SET: variants seen among roughly 807,000 people sequenced by gnomAD.
The protein encoded by SET is protein SET.
Under a neutral mutation model 39.0 loss-of-function variants are expected in SET, and 4 were observed. The observed-to-expected ratio is 0.10, with a 90% CI of 0.05 to 0.23. SET has a LOEUF of 0.23. SET is among the 10% of genes least tolerant of loss of function. The pLI is 1.00. For missense variants in SET, 137 were observed against 329.7 expected, an observed-to-expected ratio of 0.42 and a Z score of 4.53; for synonymous variants, 114 against 115.9, an observed-to-expected ratio of 0.98 and a Z score of 0.11.
At chr9:128,694,500 CG>C (rs1465254718) in intron 7 of SET, 140 bp from the exon 8 acceptor site, 5 of 550,858 alleles carry the variant, frequency 9.1e-6, no homozygotes, top group Non-Finnish European at 1.6e-5. Flanking sequence ...AACATCATCA[CG>C]GGTGTTTCCT....
Position 128,695,129 on chromosome 9 carries a change from ACTTTCT to A in SET, c.*469_*474del, listed in dbSNP as rs1158454444. The A allele has an allele frequency of 1.3e-5, 3 of 224,970 alleles. No individual in the cohort carries two copies. The highest frequency in any genetic ancestry group is 4.4e-5 in the African/African-American group (2 of 45,018). The allele number at this position is 224,970 out of a possible 1,614,324, so 13.9% of individuals were successfully genotyped here. A position where few individuals can be genotyped will look rare whatever the true frequency, so the allele number is the denominator to read the frequency against. On this transcript the variant is annotated 3_prime_UTR_variant, in exon 8 of 8. Transcript: ENST00000322030. The stretch of plus-strand genomic sequence containing the variant: ...AGCATTTACCAACATGTATCTGTCT[ACTTTCT>A]CTTGTTTAAAAAAAGAAAAAAAAAC...
chr9:128,689,921 T>TC (rs1242398743), intron 1 of SET: 1 of 102,064 alleles, frequency 9.8e-6, no homozygotes, highest in African/African-American at 3.7e-5. Flanking sequence ...CCCCTTCCTC[T>TC]CCCCCCTCCC....
Position 128,693,959 on chromosome 9 carries a change from G to C in SET, c.727G>C (p.Glu243Gln). ...EEDDDDDEEE[E>Q]GLEDIDEEGD... ...AGATGATGATGATGATGAAGAGGAGGAAGGATTAGAAGATATTGACGAAGA... is the reference window on the plus strand; with the variant it reads ...AGATGATGATGATGATGAAGAGGAGCAAGGATTAGAAGATATTGACGAAGA... Residue 243 changes from glutamate (E) to glutamine (Q), a missense_variant, in exon 7 of 8, where the codon GAA becomes CAA. Around this residue, in one of 3 missense-constraint regions of SET, gnomAD observed 44 missense variants for 63.0 expected, o/e 0.70. Coordinates refer to ENST00000322030, the MANE Select transcript of SET (RefSeq NM_003011.4). 1 of 1,546,282 alleles carries C rather than the reference G, an allele frequency of 6.5e-7. No individual in the cohort carries two copies. Among genetic ancestry groups the C allele is most frequent in the Non-Finnish European group, 8.9e-7 (1 of 1,119,418 alleles).
chr9:128,694,243 T>TGGGC (rs1564362340), intron 7 of SET, among the ~76,000 whole-genome samples: 1 of 151,608 alleles, frequency 6.6e-6, no homozygotes, highest in Non-Finnish European at 1.5e-5. Context: ...TTTTTGGTTT[T>TGGGC]TTTTTGGGTT....
chr9:128,692,793 G>T, intron 4 of SET, 28 bp downstream of exon 4: 3 of 1,546,490 alleles, frequency 1.9e-6, no homozygotes, highest in Middle Eastern at 1.7e-4. Flanking sequence ...AATCTTGTTT[G>T]CCACTGTGGA....
chr9:128,689,662 G>C lies in SET; in HGVS notation c.73+7G>C. The C allele has an allele frequency of 9.0e-7, 1 of 1,115,504 alleles. No individual in the cohort carries two copies. Among genetic ancestry groups the C allele is most frequent in the African/African-American group, 1.6e-5 (1 of 60,800 alleles). 69.1% of individuals were successfully genotyped at this position (1,115,504 alleles called of 1,614,324 possible). A position where few individuals can be genotyped will look rare whatever the true frequency, so the allele number is the denominator to read the frequency against. ...GGGGCCGACGAGACCTCAGGTGAGA[G>C]CAGCGAGCCCGGGGGCCGGCCCGCG... On this transcript the variant is annotated splice_region_variant and intron_variant, in intron 1 of 7. Transcript: ENST00000322030.
chr9:128,689,396 G>T lies in SET; in HGVS notation c.-187G>T. The stretch of plus-strand genomic sequence containing the variant: ...GGCACGCCGCCCCAGCCCGTCCCTC[G>T]GCGTCAGGCCGCGAGGGTAGCGCGC... On this transcript the variant is annotated 5_prime_UTR_variant, in exon 1 of 8. Transcript: ENST00000322030. 1.1e-6 allele frequency: 1 copy of T among 928,822 alleles called. No homozygotes were observed. Among genetic ancestry groups the T allele is most frequent in the South Asian group, 5.0e-5 (1 of 19,836 alleles). 57.5% of individuals were successfully genotyped at this position (928,822 alleles called of 1,614,324 possible).
chr9:128,691,247 A>C lies in SET; in HGVS notation c.131+20A>C. ...AGACAGGTAACATTTTTCTTAATAT[A>C]CTTCGGAGAAATTTTCTGAGATGTG... On this transcript the variant is annotated intron_variant, in intron 2 of 7. Transcript: ENST00000322030. 1 of 1,516,136 alleles carries C rather than the reference A, an allele frequency of 6.6e-7. No homozygotes were observed. The highest frequency in any genetic ancestry group is 9.1e-7 in the Non-Finnish European group (1 of 1,101,918). 93.9% of individuals were successfully genotyped at this position (1,516,136 alleles called of 1,614,324 possible). A position where few individuals can be genotyped will look rare whatever the true frequency, so the allele number is the denominator to read the frequency against.
At position 128,689,243 on chromosome 9, in the gene SET, G is replaced by A; in HGVS notation, c.-340G>A. 6.0e-6 allele frequency: 6 copies of A among 1,001,004 alleles called. No individual in the cohort carries two copies. The highest frequency in any genetic ancestry group is 7.1e-6 in the Non-Finnish European group (6 of 839,536). The allele number at this position is 1,001,004 out of a possible 1,614,324, so 62.0% of individuals were successfully genotyped here. ...CCGCCCCTCGCCGTAGGAGGAGGTG[G>A]AGGAGGAGGCGGCTCGGGAGAGCGA... is the stretch of plus-strand genomic sequence containing the variant. On this transcript the variant is annotated 5_prime_UTR_variant, in exon 1 of 8. Coordinates refer to ENST00000322030, the MANE Select transcript of SET (RefSeq NM_003011.4).
In SET at chr9:128,694,730, C is replaced by T; in HGVS notation, c.*66C>T. ...TTCTCCAGTCCCTGGGAGCAAGTTG[C>T]AGTCTTTTTTTTTTTTTTTTTTTTT... is the stretch of plus-strand genomic sequence containing the variant. On this transcript the variant is annotated 3_prime_UTR_variant, in exon 8 of 8. Transcript: ENST00000322030. 1.6e-6 allele frequency: 1 copy of T among 627,870 alleles called. No individual in the cohort carries two copies. The highest frequency in any genetic ancestry group is 2.1e-5 in the African/African-American group (1 of 47,894). The allele number at this position is 627,870 out of a possible 1,614,324, so 38.9% of individuals were successfully genotyped here. A position where few individuals can be genotyped will look rare whatever the true frequency, so the allele number is the denominator to read the frequency against.
upstream of SET, among the ~76,000 whole-genome samples, chr9:128,687,182 A>G (rs1195829705): frequency 6.6e-6 from 1 of 151,924 alleles, no homozygotes; most frequent in Non-Finnish European, 1.5e-5. Flanking sequence ...ACATGGTGAA[A>G]CCCCGTCTCT....
Position 128,696,036 on chromosome 9 carries a change from A to G in SET, c.*1372A>G, listed in dbSNP as rs895015940. On this transcript the variant is annotated 3_prime_UTR_variant, in exon 8 of 8. Coordinates refer to ENST00000322030, the MANE Select transcript of SET (RefSeq NM_003011.4). Reference sequence around the variant, plus strand: ...GCAGTAACTGTCCCTGCTTTCTGGTATAAAGCTCTCAAATGTGACCATGTG... The same window carrying G: ...GCAGTAACTGTCCCTGCTTTCTGGTGTAAAGCTCTCAAATGTGACCATGTG... 3 of 224,580 alleles carry G rather than the reference A, an allele frequency of 1.3e-5. No homozygotes were observed. The highest frequency in any genetic ancestry group is 2.2e-5 in the African/African-American group (1 of 45,038). The allele number at this position is 224,580 out of a possible 1,614,324, so 13.9% of individuals were successfully genotyped here. A position where few individuals can be genotyped will look rare whatever the true frequency, so the allele number is the denominator to read the frequency against.
upstream of SET, among the ~76,000 whole-genome samples, chr9:128,688,865 C>T (rs1299259647): frequency 6.6e-6 from 1 of 152,110 alleles, no homozygotes; most frequent in Non-Finnish European, 1.5e-5. Flanking sequence ...CCTGCACTTT[C>T]GGGGTGGTGG....
Position 128,689,608 on chromosome 9 carries a change from G to T in SET, c.26G>T (p.Ser9Ile). The T allele has an allele frequency of 7.3e-7, 1 of 1,376,116 alleles. No homozygotes were observed. 85.2% of individuals were successfully genotyped at this position (1,376,116 alleles called of 1,614,324 possible). Residue 9 changes from serine to isoleucine, a missense_variant, in exon 1 of 8, where the codon AGT (serine) becomes ATT (isoleucine). By Grantham distance (142) the Ser-to-Ile change is moderately radical. Coordinates refer to ENST00000322030, the MANE Select transcript of SET (RefSeq NM_003011.4). Reference protein sequence around the residue: MSAPAAKVSKKELNSNHDG... With the variant: MSAPAAKVIKKELNSNHDG... ...ATGTCGGCGCCGGCGGCCAAAGTCA[G>T]TAAAAAGGAGCTCAACTCCAACCAC...
upstream of SET, chr9:128,685,003 C>G: frequency 1.4e-6 from 2 of 1,447,628 alleles, no homozygotes; most frequent in South Asian, 2.9e-5. Flanking sequence ...GTGGAGCCTT[C>G]CTGGGCTGGG....
chr9:128,684,067 G>A (rs1218086805), intron 1 of SET: 2 of 1,340,590 alleles, frequency 1.5e-6, no homozygotes, highest in Admixed American at 2.0e-5. Flanking sequence ...TTGACTCTCT[G>A]ATTTTTACCC....
rs1291166468 is a variant in SET at position 128,696,336 on chromosome 9, C to T, written c.*1672C>T. 1 of 186,396 alleles carries T rather than the reference C, an allele frequency of 5.4e-6. No individual in the cohort carries two copies. The highest frequency in any genetic ancestry group is 1.1e-5 in the Non-Finnish European group (1 of 87,522). The allele number at this position is 186,396 out of a possible 1,614,324, so 11.5% of individuals were successfully genotyped here. A position where few individuals can be genotyped will look rare whatever the true frequency, so the allele number is the denominator to read the frequency against. On this transcript the variant is annotated 3_prime_UTR_variant, in exon 8 of 8. Transcript: ENST00000322030. ...TGCACAGGTCTCTGTTTAGTAAATA[C>T]ATCACTGTATACCGATCAGGAATCT...
upstream of SET, chr9:128,689,200 C>G (rs1861397062): frequency 1.0e-6 from 1 of 957,994 alleles, no homozygotes; most frequent in African/African-American, 1.8e-5. Flanking sequence ...CGGGGCCTGG[C>G]GCGCCTGCGC....
upstream of SET, among the ~76,000 whole-genome samples, chr9:128,685,884 A>C (rs974864062): frequency 3.9e-5 from 6 of 152,164 alleles, no homozygotes; most frequent in African/African-American, 1.4e-4. Context: ...ACAGTTAGCC[A>C]GGCGTGACGA....
Sources: allele counts gnomAD v4.1 joint callset (sites outside exome capture counted in the v4.1 genomes callset), GRCh38; gene constraint gnomAD v4.1.1; regional missense constraint gnomAD v4.1.1; transcripts MANE v1.5; gene names NCBI Gene and HGNC (gene_info 2026-07-23, HGNC 2026-07-21).